The following INSIG2 variants were observed in gnomAD, a reference collection of about 807,000 sequenced individuals.
INSIG2 encodes insulin induced gene 2, also known as insulin-induced gene 2 protein.
Under a neutral mutation model 27.2 loss-of-function variants are expected in INSIG2, and 10 were observed. The ratio of observed to expected loss-of-function variants is 0.37; its 90% CI spans 0.23 to 0.62. The LOEUF (loss-of-function observed/expected upper bound fraction) is 0.62. Among genes scored for constraint, INSIG2 ranks in the 20% least tolerant of loss-of-function variants. INSIG2 has a pLI of 0.65. For missense variants in INSIG2, 178 were observed against 270.2 expected, an observed-to-expected ratio of 0.66 and a Z score of 2.39; for synonymous variants, 97 against 95.8, an observed-to-expected ratio of 1.01 and a Z score of -0.07.
At chr2:118,099,154 AT>A (rs1346857124) in intron 2 of INSIG2, among the ~76,000 whole-genome samples, 2 of 152,218 alleles carry the variant, frequency 1.3e-5, no homozygotes, top group Non-Finnish European at 2.9e-5. Flanking sequence ...TTGTGTGTGT[AT>A]GTAATATGCA....
intron 1 of INSIG2, among the ~76,000 whole-genome samples, chr2:118,093,738 TGATGAA>T (rs1678325504): frequency 8.4e-6 from 1 of 118,452 alleles, no homozygotes; most frequent in African/African-American, 3.4e-5. Flanking sequence ...ATGATGATGA[TGATGAA>T]GGAGAGTTCT....
rs748211786 is a variant in INSIG2 at position 118,096,513 on chromosome 2, T to G, written c.-44T>G. On this transcript the variant is annotated 5_prime_UTR_variant, in exon 2 of 6. Transcript: ENST00000245787. ...AGTTGAGCTTTTCAGCTGGGAAGCC[T>G]TTCCATTTTTTTTTTTTTAACGGCT... is the stretch of plus-strand genomic sequence containing the variant. 26 of 1,558,510 alleles carry G rather than the reference T, an allele frequency of 1.7e-5. No individual in the cohort carries two copies. The African/African-American group carries it at 3.5e-4, about 21-fold the overall frequency.
Position 118,106,849 on chromosome 2 carries a change from T to C in INSIG2, c.482T>C (p.Ile161Thr). 6.2e-7 allele frequency: 1 copy of C among 1,614,132 alleles called. No individual in the cohort carries two copies. The highest frequency in any genetic ancestry group is 8.5e-7 in the Non-Finnish European group (1 of 1,179,974). The change falls in exon 4 of 6, where the codon ATT (isoleucine) becomes ACT (threonine). Residue 161 changes from isoleucine (I) to threonine (T), a missense_variant. Physicochemically the swap from Ile to Thr is moderately conservative, Grantham distance 89 (BLOSUM62 -1). Coordinates refer to ENST00000245787, the MANE Select transcript of INSIG2 (RefSeq NM_016133.4). ...AGTGGTTTTGGCCTTGGAGTAGGAA[T>C]TGCCTTCTTGGCAACTGTGGTCACT... Reference protein sequence around the residue: ...SRSGFGLGVGIAFLATVVTQL... With the variant: ...SRSGFGLGVGTAFLATVVTQL...
intron 3 of INSIG2, among the ~76,000 whole-genome samples, chr2:118,105,574 G>T (rs1436391463): frequency 6.6e-6 from 1 of 152,136 alleles, no homozygotes; most frequent in Non-Finnish European, 1.5e-5. Context: ...ATACCCATAT[G>T]AACTGTAGGT....
chr2:118,108,773 G>C lies in INSIG2; in HGVS notation c.*451G>C, dbSNP rs1409931451. On this transcript the variant is annotated 3_prime_UTR_variant, in exon 6 of 6. Transcript: ENST00000245787. Reference sequence around the variant, plus strand: ...CAAACAAAAAGCATATGGGGAGCTGGTATTTTCTCTTTAGCTTACTGTTGT... The same window carrying C: ...CAAACAAAAAGCATATGGGGAGCTGCTATTTTCTCTTTAGCTTACTGTTGT... 1 of 152,860 alleles carries C rather than the reference G, an allele frequency of 6.5e-6. No individual in the cohort carries two copies. The highest frequency in any genetic ancestry group is 1.5e-5 in the Non-Finnish European group (1 of 68,342). 9.5% of individuals were successfully genotyped at this position (152,860 alleles called of 1,614,324 possible).
At chr2:118,094,104 T>G (rs4849678) in intron 1 of INSIG2, among the ~76,000 whole-genome samples, 26,502 of 33,200 alleles carry the variant, frequency 0.8, 10,545 homozygotes, top group Non-Finnish European at 0.89. Context: ...ATGATGATGA[T>G]GAGGAGGAGG....
chr2:118,105,189 T>C (rs1013771034), intron 3 of INSIG2, among the ~76,000 whole-genome samples: 11 of 152,136 alleles, frequency 7.2e-5, no homozygotes, highest in Non-Finnish European at 1.5e-4. Flanking sequence ...TACAGGCACC[T>C]GCCACCACAC....
At chr2:118,096,929 T>A (rs1678422362) in intron 2 of INSIG2, 129 bp downstream of exon 2, 1 of 1,012,000 alleles carries the variant, frequency 9.9e-7, no homozygotes, top group Non-Finnish European at 1.4e-6. Flanking sequence ...TATAATACAC[T>A]GGACCCGTTT....
At chr2:118,092,517 T>C (rs948882631) in intron 1 of INSIG2, among the ~76,000 whole-genome samples, 1 of 152,102 alleles carries the variant, frequency 6.6e-6, no homozygotes, top group African/African-American at 2.4e-5. Flanking sequence ...AACACTTTTA[T>C]ATAGAACCAT....
chr2:118,098,447 C>T (rs528894535), intron 2 of INSIG2, among the ~76,000 whole-genome samples: 56 of 152,212 alleles, frequency 3.7e-4, no homozygotes, highest in African/African-American at 1.3e-3. Context: ...AGCCCAGGGT[C>T]CCAGAGCCAG....
At position 118,109,117 on chromosome 2, in the gene INSIG2, A is replaced by AC; in HGVS notation, c.*796dup. 1 of 152,386 alleles carries AC rather than the reference A, an allele frequency of 6.6e-6. No homozygotes were observed. Among genetic ancestry groups the AC allele is most frequent in the Non-Finnish European group, 1.5e-5 (1 of 68,044 alleles). The allele number at this position is 152,386 out of a possible 1,614,324, so 9.4% of individuals were successfully genotyped here. ...TAGAATAAATACATGTTTTGGAAAT[A>AC]CAGTGACCTCTTGCAGTGTCACAAA... On this transcript the variant is annotated 3_prime_UTR_variant, in exon 6 of 6. Transcript: ENST00000245787.
At chr2:118,106,988 G>A in intron 4 of INSIG2, 85 bp downstream of exon 4, 1 of 1,533,400 alleles carries the variant, frequency 6.5e-7, no homozygotes, top group Admixed American at 1.7e-5. Flanking sequence ...TATGAAATGA[G>A]GTTAGCCAGT....
Position 118,096,668 on chromosome 2 carries a change from A to AT in INSIG2, c.114dup (p.Gly39TrpfsTer23). On this transcript the variant is annotated frameshift_variant, in exon 2 of 6. Transcript: ENST00000245787. LOFTEE classifies it high-confidence loss of function. ...GATTCGAGGAGTAGTGCTATTTTTT[A>AT]TTGGAGTATTTCTTGCATTAGTGTT... 1 of 1,613,990 alleles carries AT rather than the reference A, an allele frequency of 6.2e-7. No individual in the cohort carries two copies. The highest frequency in any genetic ancestry group is 8.5e-7 in the Non-Finnish European group (1 of 1,179,956).
At chr2:118,097,793 T>C (rs1678446085) in intron 2 of INSIG2, among the ~76,000 whole-genome samples, 1 of 152,254 alleles carries the variant, frequency 6.6e-6, no homozygotes, top group Non-Finnish European at 1.5e-5. Context: ...TGAATGAATA[T>C]CTTGCAACAT....
Position 118,108,331 on chromosome 2 carries a change from A to C in INSIG2, c.*9A>C. On this transcript the variant is annotated 3_prime_UTR_variant, in exon 6 of 6. Transcript: ENST00000245787. ...AATCTCATCAGGAATGAAGAAGGCA[A>C]AAAATATCTTTTGTACAGAAAAGCA... The C allele has an allele frequency of 6.3e-7, 1 of 1,591,790 alleles. No individual in the cohort carries two copies. Among genetic ancestry groups the C allele is most frequent in the Non-Finnish European group, 8.6e-7 (1 of 1,165,218 alleles).
At chr2:118,108,240 A>C in intron 5 of INSIG2, 41 bp from the exon 6 acceptor site, 1 of 1,369,168 alleles carries the variant, frequency 7.3e-7, no homozygotes, top group East Asian at 2.4e-5. Flanking sequence ...ATTCAAAAGA[A>C]GTCTTAATCT....
At chr2:118,107,280 A>G in intron 5 of INSIG2, 91 bp downstream of exon 5, 5 of 792,252 alleles carry the variant, frequency 6.3e-6, no homozygotes, top group Non-Finnish European at 1.1e-5. Context: ...CAATTTGTGA[A>G]GACAACATTC....
At chr2:118,099,547 T>C (rs1406487001) in intron 2 of INSIG2, among the ~76,000 whole-genome samples, 2 of 152,244 alleles carry the variant, frequency 1.3e-5, no homozygotes, top group East Asian at 3.8e-4. Flanking sequence ...ATTAGAAATC[T>C]TTTCAGCATT....
Position 118,108,299 on chromosome 2 carries a change from G to A in INSIG2, c.655G>A (p.Ala219Thr), listed in dbSNP as rs76427425. Residue 219 changes from alanine to threonine, a missense_variant, in exon 6 of 6, where the codon GCA (alanine) becomes ACA (threonine). By Grantham distance (58) the Ala-to-Thr change is moderately conservative (BLOSUM62 0). Coordinates refer to ENST00000245787, the MANE Select transcript of INSIG2 (RefSeq NM_016133.4). ...QLAMYECKVI[A>T]EKSHQE ...TTTGCAGTACGAATGTAAAGTTATC[G>A]CAGAAAAATCTCATCAGGAATGAAG... 1.3e-4 allele frequency: 214 copies of A among 1,592,482 alleles called. No homozygotes were observed. The East Asian group carries it at 3.4e-3, about 25-fold the overall frequency.
Sources: gnomAD v4.1 joint callset for allele counts (sites outside exome capture counted in the v4.1 genomes callset) on GRCh38, gnomAD v4.1.1 for gene constraint, MANE v1.5 for transcripts, NCBI Gene and HGNC (gene_info 2026-07-23, HGNC 2026-07-21) for gene names.